ARFGEF1: variants seen among roughly 807,000 people sequenced by gnomAD.
ARFGEF1 encodes brefeldin A-inhibited guanine nucleotide-exchange protein 1.
ARFGEF1 carries 42 observed loss-of-function variants against 231.0 expected under a neutral mutation model. The observed-to-expected ratio is 0.18, with a 90% confidence interval of 0.14 to 0.24. The LOEUF is 0.24. ARFGEF1 is among the 10% of genes least tolerant of loss of function. The probability of loss-of-function intolerance (pLI) is 1.00; values close to 1 mark genes in which losing one functional copy is unlikely to be tolerated. For missense variants in ARFGEF1, 1,345 were observed against 2,192.0 expected (o/e 0.61, Z 7.72); for synonymous variants, 710 against 732.3 (o/e 0.97, Z 0.49).
chr8:67,300,410 A>T (rs1301550977), intron 3 of ARFGEF1, among the ~76,000 whole-genome samples: 2 of 152,214 alleles, frequency 1.3e-5, no homozygotes, highest in Non-Finnish European at 2.9e-5. Flanking sequence ...TATATGTGTC[A>T]AACAGGGTAA....
chr8:67,254,826 T>A (rs566838879), intron 17 of ARFGEF1, among the ~76,000 whole-genome samples: 4 of 152,258 alleles, frequency 2.6e-5, no homozygotes, highest in Middle Eastern at 3.4e-3. Context: ...ATGAAAGTTT[T>A]CAAGTGTTTA....
chr8:67,204,581 G>T, intron 35 of ARFGEF1, 99 bp downstream of exon 35: 1 of 1,341,856 alleles, frequency 7.5e-7, no homozygotes, highest in Non-Finnish European at 1.0e-6. Context: ...TATGATGAAG[G>T]CCCCACAAAC....
At chr8:67,244,322 T>C (rs1302748796) in intron 19 of ARFGEF1, among the ~76,000 whole-genome samples, 1 of 145,808 alleles carries the variant, frequency 6.9e-6, no homozygotes, top group Non-Finnish European at 1.5e-5. Flanking sequence ...TGTTGTTTTT[T>C]TTTTTTTTTT....
intron 23 of ARFGEF1, among the ~76,000 whole-genome samples, chr8:67,231,436 T>C (rs1839549732): frequency 6.6e-6 from 1 of 152,092 alleles, no homozygotes; most frequent in Non-Finnish European, 1.5e-5. Context: ...ATAGCATAAA[T>C]TCTTAAAACA....
chr8:67,318,884 G>A (rs1807449586), intron 1 of ARFGEF1, among the ~76,000 whole-genome samples: 1 of 152,142 alleles, frequency 6.6e-6, no homozygotes, highest in South Asian at 2.1e-4. Context: ...AAGGCAGGAG[G>A]ATCACTTGAG....
intron 19 of ARFGEF1, 30 bp from the exon 20 acceptor site, chr8:67,240,320 A>G: frequency 6.4e-7 from 1 of 1,553,516 alleles, no homozygotes; most frequent in Non-Finnish European, 8.7e-7. Flanking sequence ...TATTTTAATT[A>G]AAGATTATGA....
chr8:67,233,065 G>A, intron 22 of ARFGEF1, 120 bp from the exon 23 acceptor site: 1 of 812,420 alleles, frequency 1.2e-6, no homozygotes, highest in Non-Finnish European at 1.9e-6. Context: ...AATGCTTCAG[G>A]TGAACAATTC....
chr8:67,318,460 C>G (rs1807428886), intron 1 of ARFGEF1, among the ~76,000 whole-genome samples: 1 of 152,010 alleles, frequency 6.6e-6, no homozygotes, highest in Non-Finnish European at 1.5e-5. Flanking sequence ...CTGAACATCC[C>G]AGACAGTGTA....
intron 6 of ARFGEF1, among the ~76,000 whole-genome samples, chr8:67,289,696 C>G: frequency 6.6e-6 from 1 of 151,480 alleles, no homozygotes; most frequent in South Asian, 2.1e-4. Flanking sequence ...CTGAATGCCA[C>G]AAGAGAAAAC....
chr8:67,302,494 TTAGAAAACTGGACAG>T, intron 1 of ARFGEF1, 28 bp from the exon 2 acceptor site: 1 of 1,532,362 alleles, frequency 6.5e-7, no homozygotes, highest in Non-Finnish European at 8.8e-7. Flanking sequence ...GAAGCATACA[TTAGAAAACTGGACAG>T]CAGAAAGACT....
intron 6 of ARFGEF1, among the ~76,000 whole-genome samples, chr8:67,291,597 C>T (rs1032415017): frequency 1.6e-4 from 25 of 152,064 alleles, no homozygotes; most frequent in Non-Finnish European, 2.2e-4. Flanking sequence ...AATATATCTG[C>T]GCTCCAAAGG....
intron 1 of ARFGEF1, among the ~76,000 whole-genome samples, chr8:67,303,670 C>T (rs913757737): frequency 6.6e-6 from 1 of 151,564 alleles, no homozygotes; most frequent in Non-Finnish European, 1.5e-5. Flanking sequence ...GCCAAAATCA[C>T]ACCACCACCC....
chr8:67,213,194 T>G (rs1838811265), intron 33 of ARFGEF1, among the ~76,000 whole-genome samples: 2 of 152,220 alleles, frequency 1.3e-5, no homozygotes, highest in South Asian at 4.1e-4. Context: ...GTTGACAATT[T>G]GTTAAGAAAG....
At chr8:67,285,415 A>T (rs913971582) in intron 7 of ARFGEF1, among the ~76,000 whole-genome samples, 1 of 152,076 alleles carries the variant, frequency 6.6e-6, no homozygotes, top group African/African-American at 2.4e-5. Context: ...TACTCAGGAG[A>T]CTAAGGCAGG....
At chr8:67,316,304 C>T (rs1487774394) in intron 1 of ARFGEF1, among the ~76,000 whole-genome samples, 2 of 152,128 alleles carry the variant, frequency 1.3e-5, no homozygotes, top group African/African-American at 4.8e-5. Context: ...AATGAAATAT[C>T]TTGGACCAGA....
At chr8:67,237,964 C>G (rs1839820924) in intron 22 of ARFGEF1, among the ~76,000 whole-genome samples, 1 of 152,206 alleles carries the variant, frequency 6.6e-6, no homozygotes, top group Non-Finnish European at 1.5e-5. Context: ...AGGTTTCATA[C>G]TGGCAGAAAG....
At chr8:67,263,939 T>C (rs1804743487) in intron 14 of ARFGEF1, among the ~76,000 whole-genome samples, 1 of 151,974 alleles carries the variant, frequency 6.6e-6, no homozygotes, top group Admixed American at 6.6e-5. Context: ...AGAAAAAACA[T>C]GCAAGAGAGG....
chr8:67,330,768 C>T (rs1359706148), intron 1 of ARFGEF1, among the ~76,000 whole-genome samples: 1 of 152,148 alleles, frequency 6.6e-6, no homozygotes, highest in African/African-American at 2.4e-5. Context: ...AGAAATTACA[C>T]ATAAGCTTTG....
chr8:67,190,661 G>C lies in ARFGEF1; in HGVS notation c.560+9735C>G, dbSNP rs778230894. 5.0e-6 allele frequency: 8 copies of C among 1,613,968 alleles called. No homozygotes were observed. The Admixed American group carries it at 1.2e-4, about 24-fold the overall frequency. ...CGGGGTCCTCTTAGGGGCTTACGGT[G>C]AGACATATCCTGCCATTGAAGATGA... On this transcript the variant is annotated intron_variant, in intron 5 of 5. Transcript: ENST00000518789.
Sources: allele counts gnomAD v4.1 joint callset (sites outside exome capture counted in the v4.1 genomes callset), GRCh38; gene constraint gnomAD v4.1.1; transcripts MANE v1.5; gene names NCBI Gene and HGNC (gene_info 2026-07-23, HGNC 2026-07-21).